The following SNX25 variants were observed in gnomAD, a reference collection of about 807,000 sequenced individuals.
SNX25 encodes the protein sorting nexin 25.
SNX25 carries 62 observed loss-of-function variants against 113.7 expected under a neutral mutation model. That is an observed-to-expected ratio of 0.55 (90% CI 0.44 to 0.67). The LOEUF is 0.67. Ranked by LOEUF, SNX25 falls within the 30% of genes least tolerant of loss-of-function variation. The probability of loss-of-function intolerance (pLI) is 0.00; values close to 1 mark genes in which losing one functional copy is unlikely to be tolerated. For missense variants in SNX25, 1,014 were observed against 1,161.0 expected, an observed-to-expected ratio of 0.87 and a Z score of 1.84; for synonymous variants, 421 against 436.2, an observed-to-expected ratio of 0.97 and a Z score of 0.43.
At chr4:185,367,230 G>A (rs879020460), downstream of SNX25, 6 of 1,611,668 alleles carry the variant, frequency 3.7e-6, no homozygotes, top group African/African-American at 2.7e-5. Flanking sequence ...GCCAATGCGG[G>A]ATTCAGACGA....
At chr4:185,245,395 T>A (rs1179475792) in intron 1 of SNX25, among the ~76,000 whole-genome samples, 1 of 151,872 alleles carries the variant, frequency 6.6e-6, no homozygotes, top group Non-Finnish European at 1.5e-5. Context: ...TGGAGTGCAG[T>A]GGCGAGATCT....
intron 1 of SNX25, among the ~76,000 whole-genome samples, chr4:185,233,100 A>G (rs949891454): frequency 5.9e-5 from 9 of 152,172 alleles, no homozygotes; most frequent in African/African-American, 2.2e-4. Context: ...CCTGGCCAAC[A>G]TGGTGAAACC....
At chr4:185,281,051 C>A (rs751143338) in intron 5 of SNX25, among the ~76,000 whole-genome samples, 7 of 152,152 alleles carry the variant, frequency 4.6e-5, no homozygotes, top group Non-Finnish European at 8.8e-5. Flanking sequence ...AGTAATGTTA[C>A]CTTTTCCCTC....
chr4:185,377,542 C>A, the SNX25 span: 3,811 of 166,706 alleles, frequency 0.023, 150 homozygotes, highest in African/African-American at 0.082. Flanking sequence ...CAACAACAAA[C>A]AATACTTGTT....
intron 6 of SNX25, among the ~76,000 whole-genome samples, chr4:185,295,451 CT>C (rs11342153): frequency 0.42 from 58,018 of 137,386 alleles, 11,289 homozygotes; most frequent in East Asian, 0.51. Flanking sequence ...TCTGGTGAGT[CT>C]TTTTTTTTTT....
At chr4:185,224,548 CAT>C (rs575563774) in intron 1 of SNX25, among the ~76,000 whole-genome samples, 778 of 66,872 alleles carry the variant, frequency 0.012, 6 homozygotes, top group African/African-American at 0.034. Flanking sequence ...AATATATATA[CAT>C]ATATATAAAT....
Position 185,288,012 on chromosome 4 carries a change from G to T in SNX25, c.1092G>T (p.Arg364Ser), listed in dbSNP as rs371808234. The change falls in exon 6 of 19, where the codon AGG becomes AGT. Residue 364 changes from arginine to serine, a missense_variant and splice_region_variant. By Grantham distance (110) the Arg-to-Ser change is moderately radical. Transcript: ENST00000652585. ...NSDVEFLKQL[R>S]YQIVVEIIQA... Reference sequence around the variant, plus strand: ...TTTCTTTTCTCTTTTTAAAAATCAGGTATCAAATTGTAGTGGAAATAATCC... The same window carrying T: ...TTTCTTTTCTCTTTTTAAAAATCAGTTATCAAATTGTAGTGGAAATAATCC... 11 of 1,606,408 alleles carry T rather than the reference G, an allele frequency of 6.8e-6. No individual in the cohort carries two copies. In the Middle Eastern group the frequency reaches 8.3e-4, roughly 121 times the overall value.
rs779257508 is a variant in SNX25 at position 185,332,683 on chromosome 4, G to A, written c.1838G>A (p.Arg613Gln). 10 of 1,614,050 alleles carry A rather than the reference G, an allele frequency of 6.2e-6. No homozygotes were observed. The highest frequency in any genetic ancestry group is 1.7e-5 in the Admixed American group (1 of 60,010). Residue 613 changes from arginine to glutamine, a missense_variant, in exon 10 of 19, where the codon CGA (arginine) becomes CAA (glutamine). Transcript: ENST00000652585. ...EQASFAVNKL[R>Q]ELNEKLEYKR... ...GCCAGTTTTGCTGTAAACAAACTGC[G>A]AGAACTAAATGAGAAACTTGAATAT...
intron 5 of SNX25, among the ~76,000 whole-genome samples, chr4:185,280,928 C>T (rs1442145044): frequency 1.3e-5 from 2 of 152,172 alleles, no homozygotes; most frequent in Admixed American, 6.5e-5. Flanking sequence ...TTTCAGGAAA[C>T]GAGACCCTGG....
intron 7 of SNX25, among the ~76,000 whole-genome samples, chr4:185,313,465 T>C (rs1299618939): frequency 2.6e-5 from 4 of 152,118 alleles, no homozygotes; most frequent in African/African-American, 9.7e-5. Flanking sequence ...GAGTTGGAAA[T>C]GTTAACAGTC....
chr4:185,276,240 A>G (rs1749654943), intron 5 of SNX25, among the ~76,000 whole-genome samples: 1 of 152,152 alleles, frequency 6.6e-6, no homozygotes, highest in Non-Finnish European at 1.5e-5. Context: ...CAGTTTATAT[A>G]AAGTACTTAA....
chr4:185,276,284 C>A (rs1749665939), intron 5 of SNX25, among the ~76,000 whole-genome samples: 1 of 152,132 alleles, frequency 6.6e-6, no homozygotes, highest in Admixed American at 6.5e-5. Context: ...CTATTAGCCA[C>A]CACTGTAGTT....
chr4:185,272,319 A>G (rs76722487), intron 5 of SNX25, among the ~76,000 whole-genome samples: 2,424 of 152,330 alleles, frequency 0.016, 68 homozygotes, highest in African/African-American at 0.055. Context: ...CCATTAAACT[A>G]GAGAATAGAC....
At chr4:185,320,025 G>A (rs1282035074) in intron 7 of SNX25, among the ~76,000 whole-genome samples, 1 of 152,190 alleles carries the variant, frequency 6.6e-6, no homozygotes, top group African/African-American at 2.4e-5. Context: ...TACACTGTTG[G>A]TGGGAATGTA....
In SNX25 at chr4:185,255,295, G is replaced by A. The variant is rs540848693; in HGVS notation, c.515-3553G>A. Among the ~76,000 whole-genome samples, 127 of 151,980 alleles carry A rather than the reference G, an allele frequency of 8.4e-4. 1 individual carries two copies. The highest frequency in any genetic ancestry group is 2.9e-3 in the African/African-American group (119 of 41,448). The stretch of plus-strand genomic sequence containing the variant: ...ATTACAGGCGCCTGCCACCACGCAC[G>A]GCTAATTTTTGTATTTTTAGTAAAG... On this transcript the variant is annotated intron_variant, in intron 2 of 18. Transcript: ENST00000652585.
At chr4:185,300,275 C>G (rs901230050) in intron 6 of SNX25, among the ~76,000 whole-genome samples, 2 of 151,572 alleles carry the variant, frequency 1.3e-5, no homozygotes, top group African/African-American at 4.8e-5. Flanking sequence ...TCTCCTGCCT[C>G]ATTCTTCCAA....
intron 9 of SNX25, among the ~76,000 whole-genome samples, chr4:185,331,908 G>A (rs1037103024): frequency 8.5e-5 from 13 of 152,168 alleles, no homozygotes; most frequent in Non-Finnish European, 1.5e-4. Flanking sequence ...AAGAAAACCT[G>A]GAAGAAAGTT....
At chr4:185,247,105 T>TG (rs1744968288) in intron 1 of SNX25, among the ~76,000 whole-genome samples, 189 bp from the exon 2 acceptor site, 1 of 152,174 alleles carries the variant, frequency 6.6e-6, no homozygotes, top group Non-Finnish European at 1.5e-5. Flanking sequence ...GTAGGGAAAA[T>TG]CCTTCCTTAA....
At chr4:185,255,136 CTTT>C (rs1332726589) in intron 2 of SNX25, among the ~76,000 whole-genome samples, 1 of 151,398 alleles carries the variant, frequency 6.6e-6, no homozygotes, top group Non-Finnish European at 1.5e-5. Context: ...TTGTTTTCTT[CTTT>C]ATTTTTTTTT....
Sources: gnomAD v4.1 joint callset for allele counts (sites outside exome capture counted in the v4.1 genomes callset) on GRCh38, gnomAD v4.1.1 for gene constraint, MANE v1.5 for transcripts, NCBI Gene and HGNC (gene_info 2026-07-23, HGNC 2026-07-21) for gene names.